ANO8: variants seen among roughly 807,000 people sequenced by gnomAD.
ANO8 encodes anoctamin 8, also known as anoctamin-8.
ANO8 carries 67 observed loss-of-function variants against 120.4 expected under a neutral mutation model. The observed-to-expected ratio is 0.56, with a 90% CI of 0.46 to 0.68. The LOEUF (loss-of-function observed/expected upper bound fraction) is 0.68, where lower values mean the gene tolerates loss of function less well. ANO8 is among the 30% of genes least tolerant of loss of function. The pLI, the probability that ANO8 is intolerant of heterozygous loss-of-function variation, is 0.00. For missense variants in ANO8, 1,526 were observed against 1,737.6 expected (o/e 0.88, Z 2.16); for synonymous variants, 727 against 759.2 (o/e 0.96, Z 0.70).
chr19:17,333,449 G>A lies in ANO8; in HGVS notation c.323C>T (p.Ala108Val), dbSNP rs1568362777. The A allele has an allele frequency of 6.2e-7, 1 of 1,613,726 alleles. No individual in the cohort carries two copies. Among genetic ancestry groups the A allele is most frequent in the Non-Finnish European group, 8.5e-7 (1 of 1,180,014 alleles). Reference sequence around the variant, plus strand: ...CTCATACGTGGCGGTGACAAAGAAGGCGTAGGCACGCGTGTGGCGGTGGTG... The same window carrying A: ...CTCATACGTGGCGGTGACAAAGAAGACGTAGGCACGCGTGTGGCGGTGGTG... ...VRHHRHTRAY[A>V]FFVTATYESL... The change falls in exon 3 of 18, where the codon GCC becomes GTC. Residue 108 changes from alanine to valine, a missense_variant. This residue lies in a region of ANO8 where 322 missense variants were observed against 431.8 expected (regional missense o/e 0.75). Coordinates refer to ENST00000159087, the MANE Select transcript of ANO8 (RefSeq NM_020959.3). The surrounding 1 kb of genome is among the most constrained non-coding windows in gnomAD (Gnocchi z 7.2).
At chr19:17,332,806 CCTAA>C (rs764029575) in intron 5 of ANO8, 120 bp downstream of exon 5, 153 of 1,078,898 alleles carry the variant, frequency 1.4e-4, no homozygotes, top group Admixed American at 2.8e-4. Flanking sequence ...TCATTGGTTT[CCTAA>C]CTCTTTGCCA....
In ANO8 at chr19:17,325,159, G is replaced by A. The variant is rs2074265591; in HGVS notation, c.2889C>T (p.Pro963=). Residue 963 remains proline, a synonymous_variant, in exon 17 of 18, where the codon CCC becomes CCT. Transcript: ENST00000159087. ...STAGGHGPER[P]KRPGSLLAPN... ...GTGCCAGCAGGGACCCTGGGCGCTT[G>A]GGCCGTTCAGGCCCGTGGCCACCCG... 2 of 1,613,330 alleles carry A rather than the reference G, an allele frequency of 1.2e-6. No homozygotes were observed. The highest frequency in any genetic ancestry group is 1.3e-5 in the African/African-American group (1 of 74,938).
intron 16 of ANO8, among the ~76,000 whole-genome samples, chr19:17,326,363 G>C (rs958904050): frequency 6.6e-6 from 1 of 152,108 alleles, no homozygotes; most frequent in Non-Finnish European, 1.5e-5. Context: ...TTAGCCAGGC[G>C]TGGTGGGACA....
chr19:17,327,417 C>A, intron 15 of ANO8, 21 bp downstream of exon 15: 1 of 1,586,418 alleles, frequency 6.3e-7, no homozygotes, highest in South Asian at 1.1e-5. Context: ...CAGCTGCCCC[C>A]GCCCCTGTCG....
rs1418517634 is a variant in ANO8 at position 17,328,557 on chromosome 19, C to T, written c.1831G>A (p.Gly611Arg). 1.3e-6 allele frequency: 2 copies of T among 1,548,596 alleles called. No individual in the cohort carries two copies. Among genetic ancestry groups the T allele is most frequent in the Admixed American group, 2.0e-5 (1 of 51,034 alleles). ...AAGCTGACCTTCTTCAGCCGGAGCC[C>T]GCAGTCCAGGAGGCCCCCTTCCTCG... ...EGEEGGLLDC[G>R]LRLKKVSFAE... The change falls in exon 13 of 18, where the codon GGG (glycine) becomes AGG (arginine). Residue 611 changes from glycine to arginine, a missense_variant. By Grantham distance (125) the Gly-to-Arg change is moderately radical (BLOSUM62 -2). This residue lies in a region of ANO8 where 467 missense variants were observed against 425.8 expected (regional missense o/e 1.10). Transcript: ENST00000159087.
At chr19:17,331,261 G>A in intron 6 of ANO8, 34 bp downstream of exon 6, 2 of 1,614,120 alleles carry the variant, frequency 1.2e-6, no homozygotes, top group South Asian at 2.2e-5. Context: ...CCTGTCTGCT[G>A]GGACTCCCTC....
Position 17,334,613 on chromosome 19 carries a change from T to C in ANO8, c.58A>G (p.Arg20Gly). ...GCAGGCTCGCCCTCCGGCGGGGGCC[T>C]CTTGCCACGCTCGCCCTCCAGGGAC... ...GTSLEGERGK[R>G]PPPEGEPAAP... The change falls in exon 1 of 18, where the codon AGG (arginine) becomes GGG (glycine). Residue 20 changes from arginine to glycine, a missense_variant. Coordinates refer to ENST00000159087, the MANE Select transcript of ANO8 (RefSeq NM_020959.3). 5 of 1,533,794 alleles carry C rather than the reference T, an allele frequency of 3.3e-6. No individual in the cohort carries two copies. The highest frequency in any genetic ancestry group is 4.4e-6 in the Non-Finnish European group (5 of 1,148,762).
chr19:17,324,076 C>T (rs979546479), intron 17 of ANO8, among the ~76,000 whole-genome samples, 192 bp from the exon 18 acceptor site: 3 of 152,176 alleles, frequency 2.0e-5, no homozygotes, highest in African/African-American at 7.2e-5. Flanking sequence ...ACGGCCCTGC[C>T]GGTCACAGGG....
chr19:17,326,694 C>G (rs2074275427), intron 16 of ANO8, among the ~76,000 whole-genome samples: 1 of 152,198 alleles, frequency 6.6e-6, no homozygotes, highest in Non-Finnish European at 1.5e-5. Context: ...AGGACATTGT[C>G]ATCCTCGAGG....
Position 17,333,561 on chromosome 19 carries a change from A to G in ANO8, c.218-7T>C, listed in dbSNP as rs762795232. On this transcript the variant is annotated splice_polypyrimidine_tract_variant and splice_region_variant and intron_variant, in intron 2 of 17. Coordinates refer to ENST00000159087, the MANE Select transcript of ANO8 (RefSeq NM_020959.3). This position sits in a 1 kb window ranked among gnomAD's most constrained non-coding sequence, Gnocchi z 7.2. Reference sequence around the variant, plus strand: ...GTGTGGTCATCGGTCGTGTCTGCCAAGGGGCACAGGGACCGATGGCTCCTG... The same window carrying G: ...GTGTGGTCATCGGTCGTGTCTGCCAGGGGGCACAGGGACCGATGGCTCCTG... 31 of 1,610,372 alleles carry G rather than the reference A, an allele frequency of 1.9e-5. No homozygotes were observed. The South Asian group carries it at 2.9e-4, about 15-fold the overall frequency.
Position 17,323,488 on chromosome 19 carries a change from T to C in ANO8, c.*29A>G. On this transcript the variant is annotated 3_prime_UTR_variant, in exon 18 of 18. Transcript: ENST00000159087. The stretch of plus-strand genomic sequence containing the variant: ...GCCCCTGTGAATGACTGATATTGCA[T>C]ATGAGAAGAGAAGGCAGGGCGGGTA... The C allele has an allele frequency of 1.6e-6, 2 of 1,289,968 alleles. No homozygotes were observed. Among genetic ancestry groups the C allele is most frequent in the Non-Finnish European group, 9.8e-7 (1 of 1,018,270 alleles). The allele number at this position is 1,289,968 out of a possible 1,614,324, so 79.9% of individuals were successfully genotyped here. A position where few individuals can be genotyped will look rare whatever the true frequency, so the allele number is the denominator to read the frequency against.
In ANO8 at chr19:17,331,210, T is replaced by G; in HGVS notation, c.709A>C (p.Ile237Leu). ...AVCENQPLDDICDYFGVKIAM... is the reference protein window; with the variant it reads ...AVCENQPLDDLCDYFGVKIAM... ...ATTTTCACACCAAAGTAATCACAGATGTCATCTGCCAGGGGACAAGTGGGT... is the reference window on the plus strand; with the variant it reads ...ATTTTCACACCAAAGTAATCACAGAGGTCATCTGCCAGGGGACAAGTGGGT... The change falls in exon 7 of 18, where the codon ATC (isoleucine) becomes CTC (leucine). Residue 237 changes from isoleucine (I) to leucine (L), a missense_variant. By Grantham distance (5) the Ile-to-Leu change is conservative (BLOSUM62 2). This residue lies in a region of ANO8 where 322 missense variants were observed against 431.8 expected (regional missense o/e 0.75). Transcript: ENST00000159087. 1.9e-6 allele frequency: 3 copies of G among 1,614,128 alleles called. No individual in the cohort carries two copies. Among genetic ancestry groups the G allele is most frequent in the Non-Finnish European group, 2.5e-6 (3 of 1,180,030 alleles).
intron 17 of ANO8, among the ~76,000 whole-genome samples, chr19:17,324,252 C>T (rs905028200): frequency 6.6e-6 from 1 of 152,026 alleles, no homozygotes; most frequent in Non-Finnish European, 1.5e-5. Flanking sequence ...CACCTCTGCT[C>T]AGCACATGTG....
At position 17,333,891 on chromosome 19, in the gene ANO8, C is replaced by T. The variant is rs2145693157; in HGVS notation, c.107-91G>A. ...GCTCCTCCTGCCCCCGCCAGGGCTC[C>T]TCACCACTCCACCTGGCATTCAAGG... On this transcript the variant is annotated intron_variant, in intron 1 of 17. Transcript: ENST00000159087. The surrounding 1 kb of genome is among the most constrained non-coding windows in gnomAD (Gnocchi z 7.2). 2.8e-6 allele frequency: 3 copies of T among 1,067,160 alleles called. No homozygotes were observed. The highest frequency in any genetic ancestry group is 5.2e-5 in the East Asian group (2 of 38,620). The allele number at this position is 1,067,160 out of a possible 1,614,324, so 66.1% of individuals were successfully genotyped here. A position where few individuals can be genotyped will look rare whatever the true frequency, so the allele number is the denominator to read the frequency against.
In ANO8 at chr19:17,328,341, C is replaced by G. The variant is rs528803838; in HGVS notation, c.2047G>C (p.Gly683Arg). The change falls in exon 13 of 18, where the codon GGG (glycine) becomes CGG (arginine). Residue 683 changes from glycine (G) to arginine (R), a missense_variant. By Grantham distance (125) the Gly-to-Arg change is moderately radical (BLOSUM62 -2). Transcript: ENST00000159087. ...EPPAILFRRA[G>R]GEGRDQGPDG... Reference sequence around the variant, plus strand: ...GGCCCCTGGTCTCGGCCCTCGCCCCCGGCCCGGCGGAACAAGATGGCCGGG... The same window carrying G: ...GGCCCCTGGTCTCGGCCCTCGCCCCGGGCCCGGCGGAACAAGATGGCCGGG... 7 of 1,578,156 alleles carry G rather than the reference C, an allele frequency of 4.4e-6. No individual in the cohort carries two copies. The African/African-American group carries it at 8.1e-5, about 18-fold the overall frequency.
intron 17 of ANO8, among the ~76,000 whole-genome samples, chr19:17,324,228 A>AGGGGGGGGGGGGGGGGGGGGG (rs2074257986): frequency 2.5e-5 from 1 of 40,236 alleles, no homozygotes. Context: ...GTGGGAGGGT[A>AGGGGGGGGGGGGGGGGGGGGG]GGGGTGAGGC....
At chr19:17,325,633 A>T (rs928016216) in intron 16 of ANO8, among the ~76,000 whole-genome samples, 1 of 152,248 alleles carries the variant, frequency 6.6e-6, no homozygotes, top group African/African-American at 2.4e-5. Context: ...AGGGAGGCTT[A>T]AATGCTTATT....
chr19:17,329,302 AC>A, intron 12 of ANO8: 1 of 364,496 alleles, frequency 2.7e-6, no homozygotes. Context: ...GCCGCCCCCG[AC>A]CCCAGATTCC....
At position 17,328,627 on chromosome 19, in the gene ANO8, G is replaced by GTCGTCC; in HGVS notation, c.1755_1760dup (p.Glu585_Asp586dup). On this transcript the variant is annotated inframe_insertion, in exon 13 of 18. Transcript: ENST00000159087. ...CTTCCTCCTCGTCCTCCTCCTCCTCGTCGTCCTCGTCCTCCTCCTTGCCCC... is the reference window on the plus strand; with the variant it reads ...CTTCCTCCTCGTCCTCCTCCTCCTCGTCGTCCTCGTCCTCGTCCTCCTCCTTGCCCC... 2 of 1,528,506 alleles carry GTCGTCC rather than the reference G, an allele frequency of 1.3e-6. No individual in the cohort carries two copies. The highest frequency in any genetic ancestry group is 1.8e-6 in the Non-Finnish European group (2 of 1,135,420). The allele number at this position is 1,528,506 out of a possible 1,614,324, so 94.7% of individuals were successfully genotyped here.
Sources: allele counts gnomAD v4.1 joint callset (sites outside exome capture counted in the v4.1 genomes callset), GRCh38; gene constraint gnomAD v4.1.1; regional missense constraint gnomAD v4.1.1; non-coding constraint Gnocchi (gnomAD v3.1); transcripts MANE v1.5; gene names NCBI Gene and HGNC (gene_info 2026-07-23, HGNC 2026-07-21).